THSD4: variants seen among roughly 807,000 people sequenced by gnomAD.
The protein encoded by THSD4 is thrombospondin type 1 domain containing 4, also known as thrombospondin type-1 domain-containing protein 4.
THSD4 carries 69 observed loss-of-function variants against 119.0 expected under a neutral mutation model. The ratio of observed to expected loss-of-function variants is 0.58; its 90% CI spans 0.48 to 0.71. The LOEUF (loss-of-function observed/expected upper bound fraction) is 0.71. Ranked by LOEUF, THSD4 falls within the 30% of genes least tolerant of loss-of-function variation. THSD4 has a pLI of 0.00. For missense variants in THSD4, 1,393 were observed against 1,391.1 expected (o/e 1.00, Z -0.02); for synonymous variants, 524 against 540.4 (o/e 0.97, Z 0.42).
chr15:71,254,543 G>C (rs2044293074), intron 5 of THSD4, among the ~76,000 whole-genome samples: 1 of 152,198 alleles, frequency 6.6e-6, no homozygotes, highest in Non-Finnish European at 1.5e-5. Flanking sequence ...TCTTCTGCCA[G>C]AGTGAGGCTT....
chr15:71,444,137 T>G (rs1026743615), intron 7 of THSD4, among the ~76,000 whole-genome samples: 2 of 152,190 alleles, frequency 1.3e-5, no homozygotes, highest in Non-Finnish European at 2.9e-5. Flanking sequence ...AAGTGCTTAA[T>G]AAATGCATGA....
Position 71,363,439 on chromosome 15 carries a change from G to A in THSD4, c.1016-48248G>A, listed in dbSNP as rs565280245. Among the ~76,000 whole-genome samples, 46 of 152,248 alleles carry A rather than the reference G, an allele frequency of 3.0e-4. No individual in the cohort carries two copies. The South Asian group carries it at 7.1e-3, about 23-fold the overall frequency. ...GCTCCTGGTGTGCATGTGTGTACGC[G>A]TGTGTGTGTTTGTGATCCCTGGGCA... On this transcript the variant is annotated intron_variant, in intron 6 of 17. Transcript: ENST00000261862.
At chr15:71,378,148 A>G (rs2097044821) in intron 6 of THSD4, among the ~76,000 whole-genome samples, 1 of 152,248 alleles carries the variant, frequency 6.6e-6, no homozygotes, top group African/African-American at 2.4e-5. Flanking sequence ...ATATTTTATT[A>G]TAACTATTGA....
rs531442492 is a variant in THSD4, at chr15:71,212,722, A to G, written c.100-2313A>G. ...AATTTAGACCAGAAGTCGGGAGACA[A>G]TTTTAGTCCTGTCTGTGCCCTGCAC... On this transcript the variant is annotated intron_variant, in intron 3 of 17. Transcript: ENST00000261862. 2.3e-4 allele frequency among the ~76,000 whole-genome samples: 35 copies of G among 152,318 alleles called. 1 individual carries two copies. The highest frequency in any genetic ancestry group is 1.3e-3 in the Admixed American group (20 of 15,304).
chr15:71,330,676 T>G (rs141686727), intron 6 of THSD4, among the ~76,000 whole-genome samples: 5 of 152,334 alleles, frequency 3.3e-5, no homozygotes, highest in Non-Finnish European at 7.4e-5. Flanking sequence ...CTTTCCTTCC[T>G]GCCCCTCTCA....
chr15:71,100,336 T>G lies in THSD4; in HGVS notation c.-80+3330T>G, dbSNP rs180989350. Among the ~76,000 whole-genome samples, 205 of 152,292 alleles carry G rather than the reference T, an allele frequency of 1.3e-3. 1 individual carries two copies. The highest frequency in any genetic ancestry group is 5.6e-4 in the Non-Finnish European group (38 of 68,026). On this transcript the variant is annotated intron_variant, in intron 1 of 17. Transcript: ENST00000355327. ...AGACTCACTCTCTTCCTGGCTTTGA[T>G]GAAGTAAGTTGCCATGTTGGGGAGG...
At chr15:71,440,839 G>T (rs1329275287) in intron 7 of THSD4, among the ~76,000 whole-genome samples, 1 of 152,130 alleles carries the variant, frequency 6.6e-6, no homozygotes, top group Non-Finnish European at 1.5e-5. Flanking sequence ...GAATTAGAAG[G>T]GTAATTGCTC....
chr15:71,345,892 G>T (rs1482215367), intron 6 of THSD4, among the ~76,000 whole-genome samples: 3 of 151,002 alleles, frequency 2.0e-5, no homozygotes, highest in Non-Finnish European at 1.5e-5. Context: ...GGACTTACTT[G>T]AGAGTAAGTT....
intron 3 of THSD4, among the ~76,000 whole-genome samples, chr15:71,199,783 GGTGTGTGCTGT>G (rs1215373048): frequency 1.4e-4 from 14 of 97,922 alleles, no homozygotes; most frequent in East Asian, 9.0e-4. Context: ...GTGGTGTGTG[GGTGTGTGCTGT>G]GTGTGTGCTG....
intron 6 of THSD4, among the ~76,000 whole-genome samples, chr15:71,271,201 C>G (rs983427433): frequency 3.3e-5 from 5 of 152,044 alleles, no homozygotes; most frequent in Non-Finnish European, 5.9e-5. Flanking sequence ...TTCATATTAG[C>G]TTCAAACTGG....
In THSD4 at chr15:71,339,525, A is replaced by G. The variant is rs574629550; in HGVS notation, c.1016-72162A>G. Among the ~76,000 whole-genome samples the G allele has an allele frequency of 1.6e-3, 243 of 152,246 alleles. 2 individuals carry two copies. Among genetic ancestry groups the G allele is most frequent in the Middle Eastern group, 6.8e-3 (2 of 294 alleles). On this transcript the variant is annotated intron_variant, in intron 6 of 17. Coordinates refer to ENST00000261862, the MANE Select transcript of THSD4 (RefSeq NM_024817.3). Reference sequence around the variant, plus strand: ...ACCTCATTAAAAATGAGAGCCGTACATTATCTATTATCGATCAGGTATGGG... The same window carrying G: ...ACCTCATTAAAAATGAGAGCCGTACGTTATCTATTATCGATCAGGTATGGG...
intron 6 of THSD4, among the ~76,000 whole-genome samples, chr15:71,330,966 G>C (rs957098787): frequency 6.6e-6 from 1 of 152,210 alleles, no homozygotes; most frequent in Non-Finnish European, 1.5e-5. Context: ...TGGCCTTGTC[G>C]AGGAAGGAGG....
At chr15:71,463,482 A>T (rs537683480) in intron 7 of THSD4, among the ~76,000 whole-genome samples, 2 of 152,178 alleles carry the variant, frequency 1.3e-5, no homozygotes, top group African/African-American at 4.8e-5. Context: ...ATTTCCTGAA[A>T]GACTTTGCTA....
intron 1 of THSD4, among the ~76,000 whole-genome samples, chr15:71,135,848 C>T (rs879939012): frequency 7.9e-5 from 12 of 152,070 alleles, no homozygotes; most frequent in Non-Finnish European, 1.8e-4. Flanking sequence ...CCATGCTTGC[C>T]CCTTCTCCTC....
At chr15:71,542,896 CA>C (rs997211655) in intron 7 of THSD4, among the ~76,000 whole-genome samples, 4 of 149,248 alleles carry the variant, frequency 2.7e-5, no homozygotes, top group Admixed American at 2.0e-4. Context: ...AACAAAAAAA[CA>C]AAAAAAACAA....
chr15:71,133,691 G>A (rs2040523824), intron 1 of THSD4, among the ~76,000 whole-genome samples: 1 of 152,202 alleles, frequency 6.6e-6, no homozygotes, highest in Non-Finnish European at 1.5e-5. Context: ...GCAGTATCAT[G>A]TCATCTGAAA....
intron 1 of THSD4, among the ~76,000 whole-genome samples, chr15:71,097,565 C>T (rs1417708878): frequency 1.2e-4 from 16 of 129,268 alleles, no homozygotes; most frequent in Admixed American, 4.6e-4. Flanking sequence ...GACTCTGTCT[C>T]GAAAAAAAAA....
At chr15:71,425,930 C>A (rs2046861057) in intron 7 of THSD4, among the ~76,000 whole-genome samples, 1 of 152,158 alleles carries the variant, frequency 6.6e-6, no homozygotes, top group Non-Finnish European at 1.5e-5. Flanking sequence ...CTCCCAAGCC[C>A]CTGTCAGCCT....
chr15:71,412,399 A>G (rs2140503880), intron 7 of THSD4, among the ~76,000 whole-genome samples: 1 of 152,302 alleles, frequency 6.6e-6, no homozygotes, highest in African/African-American at 2.4e-5. Context: ...TCCTTGTGGG[A>G]TGCTCAGTGT....
Sources: allele counts gnomAD v4.1 joint callset (sites outside exome capture counted in the v4.1 genomes callset), GRCh38; gene constraint gnomAD v4.1.1; transcripts MANE v1.5; gene names NCBI Gene and HGNC (gene_info 2026-07-23, HGNC 2026-07-21).